ASXL2: variants seen among roughly 807,000 people sequenced by gnomAD.
ASXL2 encodes ASXL transcriptional regulator 2, also known as putative Polycomb group protein ASXL2.
Under a neutral mutation model 122.0 loss-of-function variants are expected in ASXL2, and 23 were observed. The ratio of observed to expected loss-of-function variants is 0.19; its 90% CI spans 0.14 to 0.27. The LOEUF is 0.27. Among genes scored for constraint, ASXL2 ranks in the 10% least tolerant of loss-of-function variants. ASXL2 has a pLI of 1.00. For missense variants in ASXL2, 1,518 were observed against 1,713.8 expected (o/e 0.89, Z 2.02); for synonymous variants, 650 against 637.0 (o/e 1.02, Z -0.31).
At chr2:25,787,893 T>A (rs968519076) in intron 5 of ASXL2, among the ~76,000 whole-genome samples, 2 of 152,096 alleles carry the variant, frequency 1.3e-5, no homozygotes, top group South Asian at 4.1e-4. Flanking sequence ...AAAATTTACA[T>A]GAAGATGAGA....
rs1484608694 is a variant in ASXL2 at position 25,744,975 on chromosome 2, ACAC to A, written c.1861-502_1861-500del. Among the ~76,000 whole-genome samples, 8 of 145,856 alleles carry A rather than the reference ACAC, an allele frequency of 5.5e-5. No homozygotes were observed. Among genetic ancestry groups the A allele is most frequent in the Admixed American group, 4.1e-4 (6 of 14,658 alleles). On this transcript the variant is annotated intron_variant, in intron 12 of 12. Coordinates refer to ENST00000435504, the MANE Select transcript of ASXL2 (RefSeq NM_018263.6). The surrounding 1 kb of genome is among the most constrained non-coding windows in gnomAD (Gnocchi z 4.7). ...CACACACACACACACACACACACACACACACTTGGGCTGGATTATCTCAAATTA... is the reference window on the plus strand; with the variant it reads ...CACACACACACACACACACACACACAACTTGGGCTGGATTATCTCAAATTA...
intron 12 of ASXL2, among the ~76,000 whole-genome samples, chr2:25,745,441 G>A: frequency 6.6e-6 from 1 of 150,460 alleles, no homozygotes; most frequent in East Asian, 2.0e-4. Flanking sequence ...TTGAACTCCT[G>A]ACCTCTTGTG....
At chr2:25,837,533 G>T (rs186346607) in intron 2 of ASXL2, among the ~76,000 whole-genome samples, 1 of 151,990 alleles carries the variant, frequency 6.6e-6, no homozygotes, top group Non-Finnish European at 1.5e-5. Context: ...TACAATTTTC[G>T]AAAAGTAAAA....
intron 5 of ASXL2, among the ~76,000 whole-genome samples, chr2:25,772,265 AT>A (rs749661157): frequency 2.0e-5 from 3 of 152,196 alleles, no homozygotes; most frequent in Non-Finnish European, 4.4e-5. Context: ...AAATACAGAA[AT>A]TGCTGATTCA....
intron 4 of ASXL2, among the ~76,000 whole-genome samples, chr2:25,802,732 G>C (rs1422178900): frequency 1.3e-5 from 2 of 152,150 alleles, no homozygotes; most frequent in Non-Finnish European, 2.9e-5. Flanking sequence ...AGGGAGGGAG[G>C]AGACTGAAGG....
At chr2:25,831,345 A>G (rs1391613403) in intron 3 of ASXL2, among the ~76,000 whole-genome samples, 1 of 152,058 alleles carries the variant, frequency 6.6e-6, no homozygotes, top group Non-Finnish European at 1.5e-5. Flanking sequence ...TAACAGCTGA[A>G]AACTTCTCTT....
chr2:25,780,764 A>C lies in ASXL2; in HGVS notation c.404-9224T>G, dbSNP rs942165589. 2.6e-5 allele frequency among the ~76,000 whole-genome samples: 4 copies of C among 152,324 alleles called. No homozygotes were observed. The East Asian group carries it at 5.8e-4, about 22-fold the overall frequency. ...ACTTCAAGAAGCATCAGAGAAAAAA[A>C]ATTCTTTATTTTCAGGTTTTAAAAG... On this transcript the variant is annotated intron_variant, in intron 5 of 12. Coordinates refer to ENST00000435504, the MANE Select transcript of ASXL2 (RefSeq NM_018263.6).
Position 25,738,330 on chromosome 2 carries a change from C to G in ASXL2, c.*3699G>C, listed in dbSNP as rs1362221117. On this transcript the variant is annotated 3_prime_UTR_variant, in exon 13 of 13. Transcript: ENST00000435504. ...TTTAGGAAATGTTTTACCTACTGTT[C>G]TCTTTCAATAGGTTTGTAGGTATTG... The G allele has an allele frequency of 6.6e-6, 1 of 152,106 alleles. No homozygotes were observed. Among genetic ancestry groups the G allele is most frequent in the Non-Finnish European group, 1.5e-5 (1 of 68,028 alleles). 9.4% of individuals were successfully genotyped at this position (152,106 alleles called of 1,614,324 possible).
At position 25,741,924 on chromosome 2, in the gene ASXL2, C is replaced by A; in HGVS notation, c.*105G>T. The A allele has an allele frequency of 8.7e-7, 1 of 1,149,588 alleles. No homozygotes were observed. Among genetic ancestry groups the A allele is most frequent in the African/African-American group, 1.5e-5 (1 of 64,748 alleles). 71.2% of individuals were successfully genotyped at this position (1,149,588 alleles called of 1,614,324 possible). A position where few individuals can be genotyped will look rare whatever the true frequency, so the allele number is the denominator to read the frequency against. ...AAGTAACATTTGTCTCTGAAGACAA[C>A]TGAAACCTACTTGTTTATTTCTGTG... On this transcript the variant is annotated 3_prime_UTR_variant, in exon 13 of 13. Coordinates refer to ENST00000435504, the MANE Select transcript of ASXL2 (RefSeq NM_018263.6).
At chr2:25,755,995 G>A (rs780660504) in intron 10 of ASXL2, 23 bp downstream of exon 10, 12 of 1,586,950 alleles carry the variant, frequency 7.6e-6, no homozygotes, top group Non-Finnish European at 1.0e-5. Flanking sequence ...CCACCTGGGA[G>A]ACACATTAAG....
chr2:25,821,529 C>T (rs946255342), intron 3 of ASXL2, among the ~76,000 whole-genome samples: 3 of 152,096 alleles, frequency 2.0e-5, no homozygotes, highest in Admixed American at 6.5e-5. Flanking sequence ...TTTGGGAGGC[C>T]ACAGCGAGCA....
At chr2:25,871,328 C>T (rs905316102) in intron 1 of ASXL2, among the ~76,000 whole-genome samples, 1 of 152,162 alleles carries the variant, frequency 6.6e-6, no homozygotes, top group Non-Finnish European at 1.5e-5. Flanking sequence ...ATTGTCCAGC[C>T]TCTCAAGAGT....
chr2:25,849,045 CAA>C (rs1337241291), intron 1 of ASXL2, among the ~76,000 whole-genome samples: 5 of 36,006 alleles, frequency 1.4e-4, no homozygotes, highest in African/African-American at 4.8e-4. Context: ...AACTCCGTCT[CAA>C]AAAAAAAAAA....
At chr2:25,772,037 G>A (rs1365995276) in intron 5 of ASXL2, among the ~76,000 whole-genome samples, 1 of 152,098 alleles carries the variant, frequency 6.6e-6, no homozygotes, top group African/African-American at 2.4e-5. Context: ...AACGTGAGAG[G>A]GCATTTTAAG....
rs568659466 is a variant in ASXL2 at position 25,737,180 on chromosome 2, C to T, written c.*4849G>A. ...GATTAGACGGGCAGGAAGGACATGACTGGCTATGAAACTCACTTCTGAGAG... is the reference window on the plus strand; with the variant it reads ...GATTAGACGGGCAGGAAGGACATGATTGGCTATGAAACTCACTTCTGAGAG... On this transcript the variant is annotated 3_prime_UTR_variant, in exon 13 of 13. Transcript: ENST00000435504. 2 of 151,790 alleles carry T rather than the reference C, an allele frequency of 1.3e-5. No homozygotes were observed. The highest frequency in any genetic ancestry group is 1.5e-5 in the Non-Finnish European group (1 of 67,960). 9.4% of individuals were successfully genotyped at this position (151,790 alleles called of 1,614,324 possible). A position where few individuals can be genotyped will look rare whatever the true frequency, so the allele number is the denominator to read the frequency against.
intron 1 of ASXL2, among the ~76,000 whole-genome samples, chr2:25,874,446 G>A (rs1364791192): frequency 2.0e-5 from 3 of 151,406 alleles, no homozygotes; most frequent in Non-Finnish European, 4.4e-5. Flanking sequence ...CCAAGATCAC[G>A]CCACTGCATT....
intron 3 of ASXL2, among the ~76,000 whole-genome samples, chr2:25,826,207 T>C (rs1315106299): frequency 6.6e-6 from 1 of 152,218 alleles, no homozygotes; most frequent in East Asian, 1.9e-4. Context: ...CTCTGCAATG[T>C]TTGAATTTTG....
chr2:25,839,363 C>A (rs886971301), intron 2 of ASXL2, among the ~76,000 whole-genome samples: 14 of 152,270 alleles, frequency 9.2e-5, no homozygotes, highest in African/African-American at 3.1e-4. Context: ...TCTCTACTTA[C>A]AAATGACCAG....
chr2:25,806,294 T>G lies in ASXL2; in HGVS notation c.187A>C (p.Asn63His). 1 of 1,613,576 alleles carries G rather than the reference T, an allele frequency of 6.2e-7. No individual in the cohort carries two copies. Among genetic ancestry groups the G allele is most frequent in the Non-Finnish European group, 8.5e-7 (1 of 1,179,712 alleles). ...LACLNAMLHTNSRGEEGIFYK... is the reference protein window; with the variant it reads ...LACLNAMLHTHSRGEEGIFYK... ...AAGATGCCCTCTTCACCTCTGGAGT[T>G]TGTGTGAAGCATTGCATTCAGGCAT... Residue 63 changes from asparagine (N) to histidine (H), a missense_variant, in exon 4 of 13, where the codon AAC (asparagine) becomes CAC (histidine). Around this residue, in one of 8 missense-constraint regions of ASXL2, gnomAD observed 12 missense variants for 60.0 expected, o/e 0.20. Transcript: ENST00000435504.
Sources: gnomAD v4.1 joint callset for allele counts (sites outside exome capture counted in the v4.1 genomes callset) on GRCh38, gnomAD v4.1.1 for gene constraint, gnomAD v4.1.1 regional missense constraint, Gnocchi (gnomAD v3.1) non-coding constraint, MANE v1.5 for transcripts, NCBI Gene and HGNC (gene_info 2026-07-23, HGNC 2026-07-21) for gene names.